Variants in RTKN2 observed in about 807,000 individuals in gnomAD.
The protein encoded by RTKN2 is rhotekin 2.
RTKN2 carries 69 observed loss-of-function variants against 71.5 expected under a neutral mutation model. The ratio of observed to expected loss-of-function variants is 0.96; its 90% CI spans 0.79 to 1.18. The LOEUF is 1.18. Among genes scored for constraint, RTKN2 ranks in the 50% most tolerant of loss-of-function variants. The pLI is 0.00. For synonymous variants in RTKN2, 236 were observed against 236.5 expected, an observed-to-expected ratio of 1.00 and a Z score of 0.02; for missense variants, 724 against 719.7, an observed-to-expected ratio of 1.01 and a Z score of -0.07.
At chr10:62,231,040 A>C (rs1424486542) in intron 6 of RTKN2, among the ~76,000 whole-genome samples, 2 of 152,188 alleles carry the variant, frequency 1.3e-5, no homozygotes, top group Non-Finnish European at 2.9e-5. Context: ...CAAATCTTTA[A>C]CAGTCTCGTT....
intron 2 of RTKN2, among the ~76,000 whole-genome samples, chr10:62,261,523 C>T (rs540988001): frequency 3.9e-5 from 6 of 152,108 alleles, no homozygotes; most frequent in East Asian, 1.9e-4. Flanking sequence ...TGGTGGCACA[C>T]GCCTATAGTC....
At chr10:62,243,919 TTAG>T (rs1842429857) in intron 3 of RTKN2, among the ~76,000 whole-genome samples, 1 of 152,192 alleles carries the variant, frequency 6.6e-6, no homozygotes, top group Non-Finnish European at 1.5e-5. Context: ...ATTCATTAAA[TTAG>T]TAGTCGGTGA....
intron 8 of RTKN2, among the ~76,000 whole-genome samples, chr10:62,217,936 T>C (rs1293848065): frequency 6.6e-6 from 1 of 152,108 alleles, no homozygotes; most frequent in Non-Finnish European, 1.5e-5. Flanking sequence ...TTGCTGATTA[T>C]CCTGTTGCTG....
rs1205794384 is a variant in RTKN2, at chr10:62,185,522, A to G, written c.862-1135T>C. 4.6e-5 allele frequency among the ~76,000 whole-genome samples: 7 copies of G among 152,330 alleles called. No homozygotes were observed. In the East Asian group the frequency reaches 1.3e-3, roughly 29 times the overall value. On this transcript the variant is annotated intron_variant, in intron 8 of 8. Transcript: ENST00000315289. ...TCCCAGCTACTCAGGAGGCTGAGGC[A>G]GGAGAACCGCTTGAACCCGGGAGGT...
At chr10:62,230,760 G>A (rs754081757) in intron 6 of RTKN2, among the ~76,000 whole-genome samples, 20 of 152,070 alleles carry the variant, frequency 1.3e-4, no homozygotes, top group Non-Finnish European at 1.8e-4. Flanking sequence ...CCAGTGTATC[G>A]TATTGGCTTT....
At chr10:62,266,313 T>TA (rs1318073432) in intron 1 of RTKN2, among the ~76,000 whole-genome samples, 1 of 152,192 alleles carries the variant, frequency 6.6e-6, no homozygotes, top group Non-Finnish European at 1.5e-5. Context: ...AAAAACTGAC[T>TA]AAAAAAACCT....
chr10:62,214,198 T>C (rs1384855027), intron 9 of RTKN2, among the ~76,000 whole-genome samples: 2 of 151,866 alleles, frequency 1.3e-5, no homozygotes, highest in Admixed American at 1.3e-4. Flanking sequence ...TCTATAATAA[T>C]AATAAATATA....
intron 9 of RTKN2, chr10:62,215,158 T>C: frequency 1.0e-6 from 1 of 995,392 alleles, no homozygotes; most frequent in Non-Finnish European, 1.5e-6. Flanking sequence ...GTATAAAATA[T>C]AAGAAAAAAA....
intron 2 of RTKN2, among the ~76,000 whole-genome samples, chr10:62,262,242 C>T (rs1187853183): frequency 6.6e-6 from 1 of 152,156 alleles, no homozygotes; most frequent in Non-Finnish European, 1.5e-5. Flanking sequence ...TTTTGCTGCT[C>T]ACTCATCTCA....
rs1035677485 is a variant in RTKN2 at position 62,195,990 on chromosome 10, A to C, written c.*1918T>G. 10 of 985,090 alleles carry C rather than the reference A, an allele frequency of 1.0e-5. No individual in the cohort carries two copies. The highest frequency in any genetic ancestry group is 1.7e-5 in the African/African-American group (1 of 57,238). 61.0% of individuals were successfully genotyped at this position (985,090 alleles called of 1,614,324 possible). ...GTTATCTGCATGAGGAAAAATGACAAGAATATAATCTGGAAGTTTTAATAC... is the reference window on the plus strand; with the variant it reads ...GTTATCTGCATGAGGAAAAATGACACGAATATAATCTGGAAGTTTTAATAC... On this transcript the variant is annotated 3_prime_UTR_variant, in exon 12 of 12. Transcript: ENST00000373789.
At chr10:62,261,637 C>T (rs775628960) in intron 2 of RTKN2, among the ~76,000 whole-genome samples, 7 of 151,974 alleles carry the variant, frequency 4.6e-5, no homozygotes, top group Non-Finnish European at 1.0e-4. Flanking sequence ...GGTGACAGAG[C>T]GAGACTCTGT....
At chr10:62,254,253 T>C (rs183858995) in intron 2 of RTKN2, among the ~76,000 whole-genome samples, 1 of 152,284 alleles carries the variant, frequency 6.6e-6, no homozygotes, top group Non-Finnish European at 1.5e-5. Flanking sequence ...ATTTCCCCCT[T>C]GCTATTCTCA....
chr10:62,254,910 G>A (rs556806356), intron 2 of RTKN2, among the ~76,000 whole-genome samples: 4 of 152,152 alleles, frequency 2.6e-5, no homozygotes, highest in South Asian at 4.2e-4. Flanking sequence ...TTGAGGCTAC[G>A]GCAAGCTATC....
downstream of RTKN2, among the ~76,000 whole-genome samples, chr10:62,190,140 G>A (rs572430388): frequency 5.9e-5 from 9 of 152,210 alleles, no homozygotes; most frequent in East Asian, 7.7e-4. Context: ...ATCTAATTGC[G>A]AAGGAAATGG....
Position 62,194,281 on chromosome 10 carries a change from T to C in RTKN2, c.*3627A>G. On this transcript the variant is annotated 3_prime_UTR_variant, in exon 12 of 12. Coordinates refer to ENST00000373789, the MANE Select transcript of RTKN2 (RefSeq NM_145307.4). Reference sequence around the variant, plus strand: ...AACTAAGAACATCTATGATCCAGAATATGCAGATTTCATTTAACTATTAAT... The same window carrying C: ...AACTAAGAACATCTATGATCCAGAACATGCAGATTTCATTTAACTATTAAT... The C allele has an allele frequency of 1.0e-6, 1 of 984,226 alleles. No homozygotes were observed. The highest frequency in any genetic ancestry group is 1.1e-4 in the East Asian group (1 of 8,804). The allele number at this position is 984,226 out of a possible 1,614,324, so 61.0% of individuals were successfully genotyped here.
chr10:62,244,385 G>A (rs1427943808), intron 3 of RTKN2, among the ~76,000 whole-genome samples: 2 of 152,082 alleles, frequency 1.3e-5, no homozygotes, highest in Non-Finnish European at 2.9e-5. Flanking sequence ...GTAATTGTGG[G>A]CAGGAAATAG....
Position 62,196,012 on chromosome 10 carries a change from A to G in RTKN2, c.*1896T>C. On this transcript the variant is annotated 3_prime_UTR_variant, in exon 12 of 12. Coordinates refer to ENST00000373789, the MANE Select transcript of RTKN2 (RefSeq NM_145307.4). ...ACAAGAATATAATCTGGAAGTTTTAATACTGATTTGTAATAAAGGAAGGCA... is the reference window on the plus strand; with the variant it reads ...ACAAGAATATAATCTGGAAGTTTTAGTACTGATTTGTAATAAAGGAAGGCA... 1 of 984,622 alleles carries G rather than the reference A, an allele frequency of 1.0e-6. No homozygotes were observed. Among genetic ancestry groups the G allele is most frequent in the Non-Finnish European group, 1.2e-6 (1 of 829,254 alleles). The allele number at this position is 984,622 out of a possible 1,614,324, so 61.0% of individuals were successfully genotyped here. A position where few individuals can be genotyped will look rare whatever the true frequency, so the allele number is the denominator to read the frequency against.
At chr10:62,248,915 G>T (rs574754385) in intron 2 of RTKN2, among the ~76,000 whole-genome samples, 97 of 152,246 alleles carry the variant, frequency 6.4e-4, no homozygotes, top group African/African-American at 2.3e-3. Context: ...TTCTAAATGG[G>T]AGTCTATTAT....
chr10:62,232,554 G>A (rs1462934749), intron 6 of RTKN2, among the ~76,000 whole-genome samples: 8 of 151,644 alleles, frequency 5.3e-5, no homozygotes, highest in African/African-American at 1.2e-4. Flanking sequence ...TGCCTGCCTC[G>A]GCCTCCCAAA....
Sources: allele counts gnomAD v4.1 joint callset (sites outside exome capture counted in the v4.1 genomes callset), GRCh38; gene constraint gnomAD v4.1.1; transcripts MANE v1.5; gene names NCBI Gene and HGNC (gene_info 2026-07-23, HGNC 2026-07-21).